DYNC1H1: variants seen among roughly 807,000 people sequenced by gnomAD.
DYNC1H1 encodes the protein cytoplasmic dynein 1 heavy chain 1.
DYNC1H1 carries 51 observed loss-of-function variants against 527.1 expected under a neutral mutation model. That is an observed-to-expected ratio of 0.10 (90% CI 0.08 to 0.12). DYNC1H1 has a LOEUF of 0.12. Ranked by LOEUF, DYNC1H1 falls within the 10% of genes least tolerant of loss-of-function variation. The pLI, the probability that DYNC1H1 is intolerant of heterozygous loss-of-function variation, is 1.00. For missense variants in DYNC1H1, 2,771 were observed against 5,971.8 expected (o/e 0.46, Z 17.66); for synonymous variants, 2,189 against 2,278.8 (o/e 0.96, Z 1.12).
rs1369149106 is a variant in DYNC1H1, at chr14:102,005,276, CT to C, written c.5433+42del. ...TGACTCCTTCCTTACCAGTTAGACTCTTACACCCTCAACCACACAGTTAAAT... is the reference window on the plus strand; with the variant it reads ...TGACTCCTTCCTTACCAGTTAGACTCTACACCCTCAACCACACAGTTAAAT... On this transcript the variant is annotated intron_variant, in intron 26 of 77. Transcript: ENST00000360184. This position sits in a 1 kb window ranked among gnomAD's most constrained non-coding sequence, Gnocchi z 4.0. 1 of 1,610,436 alleles carries C rather than the reference CT, an allele frequency of 6.2e-7. No homozygotes were observed. Among genetic ancestry groups the C allele is most frequent in the Non-Finnish European group, 8.5e-7 (1 of 1,177,054 alleles).
rs2152596589 is a variant in DYNC1H1, at chr14:102,042,294, C to T, written c.12275+6C>T. The T allele has an allele frequency of 1.2e-6, 2 of 1,614,086 alleles. No individual in the cohort carries two copies. The highest frequency in any genetic ancestry group is 1.1e-5 in the South Asian group (1 of 91,088). Reference sequence around the variant, plus strand: ...ACCGCTGTAAAGTCGGGCAGGTAGGCCTGTTCTCTTTGGCTGAAGAAAGCC... The same window carrying T: ...ACCGCTGTAAAGTCGGGCAGGTAGGTCTGTTCTCTTTGGCTGAAGAAAGCC... On this transcript the variant is annotated splice_donor_region_variant and intron_variant, in intron 67 of 77. Transcript: ENST00000360184. This position sits in a 1 kb window ranked among gnomAD's most constrained non-coding sequence, Gnocchi z 5.7.
chr14:101,978,944 A>C (rs1464123981), intron 2 of DYNC1H1, among the ~76,000 whole-genome samples: 1 of 152,222 alleles, frequency 6.6e-6, no homozygotes, highest in Non-Finnish European at 1.5e-5. Context: ...GGACCAGACT[A>C]AGGGGAGCCT....
At position 102,044,537 on chromosome 14, in the gene DYNC1H1, G is replaced by A. The variant is rs2273440; in HGVS notation, c.12902+46G>A. 385,823 of 1,613,708 alleles carry A rather than the reference G, an allele frequency of 0.24. 53,495 individuals carry two copies. The highest frequency in any genetic ancestry group is 0.65 in the African/African-American group (48,714 of 74,954). On this transcript the variant is annotated intron_variant, in intron 71 of 77. Coordinates refer to ENST00000360184, the MANE Select transcript of DYNC1H1 (RefSeq NM_001376.5). The surrounding 1 kb of genome is among the most constrained non-coding windows in gnomAD (Gnocchi z 7.1). ...ATGGAGACAGTTGTGATGTCAGGGC[G>A]TCTGGTGTCACTCAGAGGTGACCCC...
chr14:101,982,095 C>T (rs898499791), intron 5 of DYNC1H1, among the ~76,000 whole-genome samples: 5 of 152,150 alleles, frequency 3.3e-5, no homozygotes, highest in African/African-American at 7.2e-5. Context: ...ACATGAGTGG[C>T]GGCATTAGAT....
Position 102,029,747 on chromosome 14 carries a change from G to A in DYNC1H1, c.9642+35G>A, listed in dbSNP as rs764164673. 5 of 1,614,202 alleles carry A rather than the reference G, an allele frequency of 3.1e-6. No individual in the cohort carries two copies. The South Asian group carries it at 5.5e-5, about 18-fold the overall frequency. On this transcript the variant is annotated intron_variant, in intron 49 of 77. Transcript: ENST00000360184. The surrounding 1 kb of genome is among the most constrained non-coding windows in gnomAD (Gnocchi z 5.3). ...AGGCACAAATTCCTCACGGGAGTGA[G>A]CTGCAGTGAGGACCCCTTTCCATAT... is the stretch of plus-strand genomic sequence containing the variant.
At chr14:102,037,281 G>A (rs367714787) in intron 57 of DYNC1H1, 3 of 153,588 alleles carry the variant, frequency 2.0e-5, no homozygotes, top group Admixed American at 6.4e-5. Flanking sequence ...AAAATTAGCC[G>A]GGTGTGGCGA....
rs755680664 is a variant in DYNC1H1 at position 102,044,597 on chromosome 14, G to A, written c.12905G>A (p.Arg4302Gln). 4 of 1,614,188 alleles carry A rather than the reference G, an allele frequency of 2.5e-6. No homozygotes were observed. Among genetic ancestry groups the A allele is most frequent in the Non-Finnish European group, 3.4e-6 (4 of 1,180,040 alleles). The change falls in exon 72 of 78, where the codon CGA becomes CAA. Residue 4302 changes from arginine to glutamine, a missense_variant and splice_region_variant. Around this residue, in one of 32 missense-constraint regions of DYNC1H1, gnomAD observed 195 missense variants for 428.6 expected, o/e 0.45. Transcript: ENST00000360184. The surrounding 1 kb of genome is among the most constrained non-coding windows in gnomAD (Gnocchi z 7.1). ...TTCCAAATGCACTGGTTTTCTAGGC[G>A]AGAGGAGTTTGTGCAGTGGGTGGAG... The part of the protein sequence containing the change: ...KDIQMPDGIR[R>Q]EEFVQWVELL...
In DYNC1H1 at chr14:102,006,181, C is replaced by T; in HGVS notation, c.5716+11C>T. The T allele has an allele frequency of 6.2e-7, 1 of 1,612,952 alleles. No homozygotes were observed. The highest frequency in any genetic ancestry group is 8.5e-7 in the Non-Finnish European group (1 of 1,179,928). On this transcript the variant is annotated intron_variant, in intron 27 of 77. Coordinates refer to ENST00000360184, the MANE Select transcript of DYNC1H1 (RefSeq NM_001376.5). Reference sequence around the variant, plus strand: ...GGGGTTCCCCATTTGGTAAGTTCTTCCACAGATCTGGACAGATGGAATCAT... The same window carrying T: ...GGGGTTCCCCATTTGGTAAGTTCTTTCACAGATCTGGACAGATGGAATCAT...
chr14:101,977,637 C>T (rs536313012), intron 2 of DYNC1H1, among the ~76,000 whole-genome samples: 4 of 152,270 alleles, frequency 2.6e-5, no homozygotes, highest in African/African-American at 9.6e-5. Flanking sequence ...GAGTCCAGTC[C>T]AGAATCACAC....
intron 15 of DYNC1H1, among the ~76,000 whole-genome samples, chr14:101,996,564 C>T (rs1020034578): frequency 6.6e-6 from 1 of 152,174 alleles, no homozygotes; most frequent in Non-Finnish European, 1.5e-5. Context: ...GGATGTTGCC[C>T]TCTGGCCACG....
chr14:101,982,503 A>C (rs1344219798), intron 5 of DYNC1H1, among the ~76,000 whole-genome samples: 1 of 152,022 alleles, frequency 6.6e-6, no homozygotes, highest in Admixed American at 6.6e-5. Flanking sequence ...GAGGCAGGAG[A>C]ATCGCTTGAA....
In DYNC1H1 at chr14:102,033,207, C is replaced by T. The variant is rs1473892492; in HGVS notation, c.10197+25C>T. 3 of 1,614,128 alleles carry T rather than the reference C, an allele frequency of 1.9e-6. No homozygotes were observed. The highest frequency in any genetic ancestry group is 1.6e-4 in the Middle Eastern group (1 of 6,062). On this transcript the variant is annotated intron_variant, in intron 53 of 77. Coordinates refer to ENST00000360184, the MANE Select transcript of DYNC1H1 (RefSeq NM_001376.5). This position sits in a 1 kb window ranked among gnomAD's most constrained non-coding sequence, Gnocchi z 5.6. ...GGTGATTAACACAGCCAGGAGCTCC[C>T]GTGTGAAAGGTGACCTCTTTTCCTG...
chr14:102,003,681 G>A (rs536785642), intron 23 of DYNC1H1, among the ~76,000 whole-genome samples: 1 of 152,264 alleles, frequency 6.6e-6, no homozygotes, highest in Non-Finnish European at 1.5e-5. Context: ...TGTAATCCCA[G>A]CACTTTGGGA....
At position 102,004,669 on chromosome 14, in the gene DYNC1H1, C is replaced by A; in HGVS notation, c.5035C>A (p.Arg1679=). The part of the protein sequence containing the change: ...DNSVVLGISS[R]EGEEVMFKTP... ...CTCTGTTGTTTTGGGTATTTCATCT[C>A]GGGAAGGAGAGGAGGTAAATTTATG... The change falls in exon 24 of 78, where the codon CGG becomes AGG. Residue 1679 remains arginine, a synonymous_variant. Coordinates refer to ENST00000360184, the MANE Select transcript of DYNC1H1 (RefSeq NM_001376.5). 6.2e-7 allele frequency: 1 copy of A among 1,614,108 alleles called. No individual in the cohort carries two copies. The highest frequency in any genetic ancestry group is 8.5e-7 in the Non-Finnish European group (1 of 1,180,024).
At position 101,964,614 on chromosome 14, in the gene DYNC1H1, G is replaced by A; in HGVS notation, c.-78G>A. On this transcript the variant is annotated 5_prime_UTR_variant, in exon 1 of 78. Coordinates refer to ENST00000360184, the MANE Select transcript of DYNC1H1 (RefSeq NM_001376.5). The surrounding 1 kb of genome is among the most constrained non-coding windows in gnomAD (Gnocchi z 5.5). The stretch of plus-strand genomic sequence containing the variant: ...GCGGACGGTCCGGCTTCCGGCGGCC[G>A]TTTCTGTCTCTTGCTGGCTGTCTCG... 4.6e-6 allele frequency: 7 copies of A among 1,533,866 alleles called. No individual in the cohort carries two copies. The highest frequency in any genetic ancestry group is 6.1e-6 in the Non-Finnish European group (7 of 1,145,816).
intron 1 of DYNC1H1, among the ~76,000 whole-genome samples, chr14:101,971,603 G>A (rs1323343079): frequency 6.6e-6 from 1 of 151,984 alleles, no homozygotes; most frequent in Non-Finnish European, 1.5e-5. Context: ...ATGCACAACT[G>A]TATCCCAGCT....
intron 29 of DYNC1H1, 172 bp from the exon 30 acceptor site, chr14:102,009,671 G>A: frequency 1.0e-6 from 1 of 972,572 alleles, no homozygotes; most frequent in Admixed American, 2.4e-5. Context: ...TGGGCTGGGA[G>A]AATGTGGCTG....
chr14:102,006,325 C>T (rs1436895105), intron 27 of DYNC1H1, among the ~76,000 whole-genome samples, 155 bp downstream of exon 27: 2 of 152,214 alleles, frequency 1.3e-5, no homozygotes, highest in Non-Finnish European at 2.9e-5. Flanking sequence ...AGCTCCACCT[C>T]CCGGGTTCAA....
chr14:101,986,861 T>C lies in DYNC1H1; in HGVS notation c.2538+98T>C. ...CTAGTTCTCCCGAAGAAGGCATGCATGGTTGATGCAGCATACGGCCATGTG... is the reference window on the plus strand; with the variant it reads ...CTAGTTCTCCCGAAGAAGGCATGCACGGTTGATGCAGCATACGGCCATGTG... On this transcript the variant is annotated intron_variant, in intron 8 of 77. Coordinates refer to ENST00000360184, the MANE Select transcript of DYNC1H1 (RefSeq NM_001376.5). The surrounding 1 kb of genome is among the most constrained non-coding windows in gnomAD (Gnocchi z 8.7). 1 of 1,379,500 alleles carries C rather than the reference T, an allele frequency of 7.2e-7. No individual in the cohort carries two copies. Among genetic ancestry groups the C allele is most frequent in the Non-Finnish European group, 1.0e-6 (1 of 971,778 alleles). 85.5% of individuals were successfully genotyped at this position (1,379,500 alleles called of 1,614,324 possible). A position where few individuals can be genotyped will look rare whatever the true frequency, so the allele number is the denominator to read the frequency against.
Sources: gnomAD v4.1 joint callset for allele counts (sites outside exome capture counted in the v4.1 genomes callset) on GRCh38, gnomAD v4.1.1 for gene constraint, gnomAD v4.1.1 regional missense constraint, Gnocchi (gnomAD v3.1) non-coding constraint, MANE v1.5 for transcripts, NCBI Gene and HGNC (gene_info 2026-07-23, HGNC 2026-07-21) for gene names.